NCOR2: variants seen among roughly 807,000 people sequenced by gnomAD.
NCOR2 encodes the protein nuclear receptor corepressor 2, also known as CTG repeat protein 26.
A neutral mutation model predicts 262.9 loss-of-function variants in NCOR2; 81 were observed. The ratio of observed to expected loss-of-function variants is 0.31; its 90% CI spans 0.26 to 0.37. The LOEUF (loss-of-function observed/expected upper bound fraction) is 0.37, where lower values mean the gene tolerates loss of function less well. NCOR2 is among the 10% of genes least tolerant of loss of function. The probability of loss-of-function intolerance (pLI) is 1.00; values close to 1 mark genes in which losing one functional copy is unlikely to be tolerated. For missense variants in NCOR2, 3,385 were observed against 3,621.4 expected, an observed-to-expected ratio of 0.93 and a Z score of 1.68; for synonymous variants, 1,659 against 1,559.3, an observed-to-expected ratio of 1.06 and a Z score of -1.51.
intron 1 of NCOR2, among the ~76,000 whole-genome samples, chr12:124,506,801 G>A (rs1472666685): frequency 6.6e-6 from 1 of 152,196 alleles, no homozygotes; most frequent in African/African-American, 2.4e-5. Flanking sequence ...GGAGGGAGAC[G>A]CTGGCACCAG....
intron 1 of NCOR2, among the ~76,000 whole-genome samples, chr12:124,505,392 C>T (rs980723425): frequency 6.6e-6 from 1 of 152,240 alleles, no homozygotes; most frequent in African/African-American, 2.4e-5. Flanking sequence ...GGCAGGGCTC[C>T]TCCTCGGCAG....
intron 1 of NCOR2, among the ~76,000 whole-genome samples, chr12:124,550,190 G>C (rs2051672330): frequency 6.6e-6 from 1 of 152,134 alleles, no homozygotes; most frequent in Non-Finnish European, 1.5e-5. Flanking sequence ...ACAGTGCCCA[G>C]GCTGAGAACC....
chr12:124,565,498 C>T (rs1418303521), intron 1 of NCOR2, among the ~76,000 whole-genome samples: 1 of 152,126 alleles, frequency 6.6e-6, no homozygotes, highest in South Asian at 2.1e-4. Context: ...CCATCCTCTC[C>T]GGACAAGCAG....
chr12:124,362,127 C>G (rs1031990107), exon 22 of NCOR2: 3 of 1,300,164 alleles, frequency 2.3e-6, no homozygotes, highest in Non-Finnish European at 2.9e-6. Flanking sequence ...TGCACTCACC[C>G]TCCTTGTCGG....
At chr12:124,421,930 G>GTGGGCTT (rs949603910) in intron 12 of NCOR2, among the ~76,000 whole-genome samples, 2 of 152,244 alleles carry the variant, frequency 1.3e-5, no homozygotes, top group Admixed American at 6.5e-5. Context: ...TTGACACAAA[G>GTGGGCTT]TGGGCTTTAG....
At chr12:124,418,084 A>C (rs1187717390) in intron 13 of NCOR2, among the ~76,000 whole-genome samples, 2 of 151,596 alleles carry the variant, frequency 1.3e-5, no homozygotes, top group Admixed American at 6.6e-5. Context: ...AACAAATCCC[A>C]AAAAAACAAA....
intron 1 of NCOR2, among the ~76,000 whole-genome samples, chr12:124,494,526 C>T (rs2048274333): frequency 6.6e-6 from 1 of 152,188 alleles, no homozygotes; most frequent in South Asian, 2.1e-4. Flanking sequence ...GGAGACCCGA[C>T]CAGGGCACAC....
Position 124,443,681 on chromosome 12 carries a change from T to A in NCOR2, c.816-5685A>T, listed in dbSNP as rs1565949316. On this transcript the variant is annotated intron_variant, in intron 7 of 46. Coordinates refer to ENST00000405201, the Ensembl canonical transcript of NCOR2. This position sits in a 1 kb window ranked among gnomAD's most constrained non-coding sequence, Gnocchi z 4.4. The stretch of plus-strand genomic sequence containing the variant: ...CTACGCCCAGCTAATTTTCGTATTT[T>A]TAGTAGAGACGGGGTTTCACTATAT... 6.6e-6 allele frequency among the ~76,000 whole-genome samples: 1 copy of A among 151,980 alleles called. No homozygotes were observed. Among genetic ancestry groups the A allele is most frequent in the Non-Finnish European group, 1.5e-5 (1 of 67,994 alleles).
At chr12:124,409,587 G>A (rs1281359482) in intron 13 of NCOR2, among the ~76,000 whole-genome samples, 1 of 152,064 alleles carries the variant, frequency 6.6e-6, no homozygotes, top group Admixed American at 6.6e-5. Context: ...AGTCCCCCAT[G>A]GGTGTCAGCT....
intron 1 of NCOR2, among the ~76,000 whole-genome samples, chr12:124,530,673 G>A (rs1036913728): frequency 3.3e-5 from 5 of 152,184 alleles, no homozygotes; most frequent in Non-Finnish European, 4.4e-5. Flanking sequence ...GCTAGGTCAC[G>A]TAGGGCACTG....
In NCOR2 at chr12:124,363,021, G is replaced by C. The variant is rs569567061; in HGVS notation, c.2928+658C>G. On this transcript the variant is annotated intron_variant, in intron 21 of 46. Coordinates refer to ENST00000405201, the Ensembl canonical transcript of NCOR2. ...GCCTGGTGGTGGACAGGAGGCTAGA[G>C]CCTGCTGTGACTCTCTCCTCCAGCT... Among the ~76,000 whole-genome samples, 29 of 152,384 alleles carry C rather than the reference G, an allele frequency of 1.9e-4. No individual in the cohort carries two copies. In the South Asian group the frequency reaches 5.8e-3, roughly 30 times the overall value.
At chr12:124,430,917 C>G (rs750321163) in intron 8 of NCOR2, 130 bp from the exon 11 acceptor site, 2 of 1,079,156 alleles carry the variant, frequency 1.9e-6, no homozygotes. Context: ...CAGGCACACA[C>G]ATATACAGTC....
At chr12:124,543,067 C>T (rs957191638) in intron 1 of NCOR2, among the ~76,000 whole-genome samples, 2 of 152,184 alleles carry the variant, frequency 1.3e-5, no homozygotes, top group African/African-American at 4.8e-5. Context: ...GGGGTCACAG[C>T]CTCTCTCCCT....
rs1375117495 is a variant in NCOR2, at chr12:124,440,814, T to C, written c.816-2818A>G. Reference sequence around the variant, plus strand: ...GTGCAGAAAGATCTCCCAGAGAGGATGGCCTTGAGCTGGGATCTACGTCAT... The same window carrying C: ...GTGCAGAAAGATCTCCCAGAGAGGACGGCCTTGAGCTGGGATCTACGTCAT... On this transcript the variant is annotated intron_variant, in intron 7 of 46. Coordinates refer to ENST00000405201, the Ensembl canonical transcript of NCOR2. This position sits in a 1 kb window ranked among gnomAD's most constrained non-coding sequence, Gnocchi z 5.7. Among the ~76,000 whole-genome samples, 1 of 152,138 alleles carries C rather than the reference T, an allele frequency of 6.6e-6. No individual in the cohort carries two copies. Among genetic ancestry groups the C allele is most frequent in the Non-Finnish European group, 1.5e-5 (1 of 68,000 alleles).
chr12:124,558,427 A>G (rs1013841330), intron 1 of NCOR2, among the ~76,000 whole-genome samples: 1 of 152,224 alleles, frequency 6.6e-6, no homozygotes, highest in African/African-American at 2.4e-5. Context: ...GAAGCCCTGC[A>G]GGCTGATGAG....
At chr12:124,528,724 T>C (rs555117233) in intron 1 of NCOR2, among the ~76,000 whole-genome samples, 2 of 152,276 alleles carry the variant, frequency 1.3e-5, no homozygotes, top group African/African-American at 4.8e-5. Flanking sequence ...GGCATGACCC[T>C]CTGGACTGGC....
rs182629168 is a variant in NCOR2, at chr12:124,528,572, C to T, written c.-118+6993G>A. ...AGGAAGACCCTTGGCAGAACCAACG[C>T]CTGACATTCACTCAACAGTGCTCAG... On this transcript the variant is annotated intron_variant, in intron 1 of 46. Transcript: ENST00000404621. 8.6e-4 allele frequency among the ~76,000 whole-genome samples: 131 copies of T among 152,306 alleles called. 1 individual carries two copies. The highest frequency in any genetic ancestry group is 3.0e-3 in the African/African-American group (126 of 41,552).
At chr12:124,372,917 C>A (rs1305736744) in intron 19 of NCOR2, among the ~76,000 whole-genome samples, 1 of 152,138 alleles carries the variant, frequency 6.6e-6, no homozygotes, top group African/African-American at 2.4e-5. Context: ...ATGGAGCCAG[C>A]CTGAGGGTGG....
At chr12:124,326,654 G>A (rs1962283) in intron 45 of NCOR2, among the ~76,000 whole-genome samples, 2 of 152,092 alleles carry the variant, frequency 1.3e-5, no homozygotes, top group Non-Finnish European at 1.5e-5. Flanking sequence ...GTCCTGCAGC[G>A]ACCCCAGCCC....
Sources: gnomAD v4.1 joint callset for allele counts (sites outside exome capture counted in the v4.1 genomes callset) on GRCh38, gnomAD v4.1.1 for gene constraint, Gnocchi (gnomAD v3.1) non-coding constraint, MANE v1.5 for transcripts, NCBI Gene and HGNC (gene_info 2026-07-23, HGNC 2026-07-21) for gene names.